The following DLC1 variants were observed in gnomAD, a reference collection of about 807,000 sequenced individuals.
DLC1 encodes the protein DLC1 Rho GTPase activating protein, also known as rho GTPase-activating protein 7.
Under a neutral mutation model 140.3 loss-of-function variants are expected in DLC1, and 54 were observed. The ratio of observed to expected loss-of-function variants is 0.38; its 90% CI spans 0.31 to 0.48. The LOEUF (loss-of-function observed/expected upper bound fraction) is 0.48, where lower values mean the gene tolerates loss of function less well. Ranked by LOEUF, DLC1 falls within the 20% of genes least tolerant of loss-of-function variation. DLC1 has a pLI of 0.96. For missense variants in DLC1, 2,536 were observed against 1,907.0 expected, an observed-to-expected ratio of 1.33 and a Z score of -6.14; for synonymous variants, 986 against 728.1, an observed-to-expected ratio of 1.35 and a Z score of -5.70.
chr8:13,231,658 G>C (rs557234618), intron 5 of DLC1, among the ~76,000 whole-genome samples: 1 of 152,284 alleles, frequency 6.6e-6, no homozygotes, highest in East Asian at 1.9e-4. Flanking sequence ...TTCTGCAGTA[G>C]TTACCTTGTC....
At chr8:13,408,127 A>C (rs1837643311) in intron 2 of DLC1, among the ~76,000 whole-genome samples, 1 of 152,184 alleles carries the variant, frequency 6.6e-6, no homozygotes, top group South Asian at 2.1e-4. Flanking sequence ...TTTCAATTTG[A>C]AACTTATGTA....
intron 1 of DLC1, among the ~76,000 whole-genome samples, chr8:13,512,134 C>G (rs535029629): frequency 1.3e-5 from 2 of 152,004 alleles, no homozygotes; most frequent in Non-Finnish European, 1.5e-5. Context: ...GCACTTATTT[C>G]TCATTCCAAT....
chr8:13,384,463 C>T (rs113795726), intron 4 of DLC1, among the ~76,000 whole-genome samples: 1,982 of 152,204 alleles, frequency 0.013, 63 homozygotes, highest in African/African-American at 0.044. Context: ...GATATATCCA[C>T]GAAATGCTAA....
At position 13,084,895 on chromosome 8, in the gene DLC1, G is replaced by A. The variant is rs903643206; in HGVS notation, c.*916C>T. 6.6e-6 allele frequency: 1 copy of A among 152,174 alleles called. No homozygotes were observed. Among genetic ancestry groups the A allele is most frequent in the African/African-American group, 2.4e-5 (1 of 41,446 alleles). The allele number at this position is 152,174 out of a possible 1,614,324, so 9.4% of individuals were successfully genotyped here. A position where few individuals can be genotyped will look rare whatever the true frequency, so the allele number is the denominator to read the frequency against. On this transcript the variant is annotated 3_prime_UTR_variant, in exon 18 of 18. Coordinates refer to ENST00000276297, the MANE Select transcript of DLC1 (RefSeq NM_182643.3). ...ATTCTAACAGGGAAAAAGTGTTGAT[G>A]CTTGATTTAAGAGTAAGTGTTATCG...
chr8:13,211,013 A>G (rs1393604920), intron 5 of DLC1, among the ~76,000 whole-genome samples: 1 of 152,212 alleles, frequency 6.6e-6, no homozygotes, highest in Non-Finnish European at 1.5e-5. Context: ...GTAGGAGATG[A>G]GCAGGACTTG....
chr8:13,087,211 G>C lies in DLC1; in HGVS notation c.4293-748C>G, dbSNP rs181531401. ...AGCCCAGGAGTTTTGAGACCAGCCT[G>C]GACAATATGGTGACACCATGTCTCT... On this transcript the variant is annotated intron_variant, in intron 16 of 17. Transcript: ENST00000276297. Among the ~76,000 whole-genome samples the C allele has an allele frequency of 4.9e-4, 75 of 152,290 alleles. 1 individual carries two copies. The highest frequency in any genetic ancestry group is 1.8e-3 in the African/African-American group (74 of 41,564).
At chr8:13,492,347 A>T (rs1801290843) in intron 2 of DLC1, among the ~76,000 whole-genome samples, 2 of 152,076 alleles carry the variant, frequency 1.3e-5, no homozygotes, top group Non-Finnish European at 2.9e-5. Flanking sequence ...TGTGATAACC[A>T]CATCATCCTG....
rs186404133 is a variant in DLC1 at position 13,184,178 on chromosome 8, T to A, written c.1349-68521A>T. Among the ~76,000 whole-genome samples the A allele has an allele frequency of 1.6e-3, 245 of 152,360 alleles. 1 individual carries two copies. The highest frequency in any genetic ancestry group is 5.5e-3 in the African/African-American group (230 of 41,588). The stretch of plus-strand genomic sequence containing the variant: ...GTGGTGATATCCCCTTTATCATTTT[T>A]TATTGCATCTATTTGATTCTTCTCT... On this transcript the variant is annotated intron_variant, in intron 5 of 17. Transcript: ENST00000276297.
At chr8:13,247,102 A>G (rs923576612) in intron 5 of DLC1, among the ~76,000 whole-genome samples, 4 of 152,242 alleles carry the variant, frequency 2.6e-5, no homozygotes, top group Admixed American at 6.5e-5. Flanking sequence ...GCTGCTTTTT[A>G]TAAGTATTTA....
chr8:13,578,710 A>T (rs1269018321), intron 1 of DLC1, among the ~76,000 whole-genome samples: 2 of 152,180 alleles, frequency 1.3e-5, no homozygotes, highest in African/African-American at 4.8e-5. Flanking sequence ...AAAGAAACAG[A>T]TGAAGAGATG....
intron 5 of DLC1, among the ~76,000 whole-genome samples, chr8:13,294,348 T>C (rs1831868682): frequency 6.6e-6 from 1 of 152,180 alleles, no homozygotes; most frequent in African/African-American, 2.4e-5. Flanking sequence ...ATTGCTGAGA[T>C]AAATGGAACG....
At chr8:13,353,925 T>A (rs1395963473) in intron 4 of DLC1, among the ~76,000 whole-genome samples, 1 of 151,902 alleles carries the variant, frequency 6.6e-6, no homozygotes, top group Admixed American at 6.6e-5. Context: ...AATGGCATAG[T>A]TCTTGATTTA....
intron 13 of DLC1, among the ~76,000 whole-genome samples, chr8:13,092,116 G>A (rs374003397): frequency 2.0e-5 from 3 of 152,256 alleles, no homozygotes; most frequent in East Asian, 1.9e-4. Context: ...GTGGTGGCAG[G>A]CACCTATAGT....
intron 5 of DLC1, among the ~76,000 whole-genome samples, chr8:13,151,680 C>T (rs529884643): frequency 6.6e-6 from 1 of 152,204 alleles, no homozygotes; most frequent in Non-Finnish European, 1.5e-5. Context: ...AAGTTGACCC[C>T]AGCCTACTCT....
chr8:13,556,952 A>T (rs903419827), intron 1 of DLC1, among the ~76,000 whole-genome samples: 1 of 152,216 alleles, frequency 6.6e-6, no homozygotes, highest in African/African-American at 2.4e-5. Context: ...CTGAAAGTCT[A>T]TCAGTTATGA....
chr8:13,499,473 C>G lies in DLC1; in HGVS notation c.599G>C (p.Ser200Thr). ...TACTTTGGGTGCATCTTTTATTTCA[C>G]TTAAGCTTATTTCATTGCAAAGCTC... ...SLELCNEISL[S>T]EIKDAPKVNA... The change falls in exon 2 of 18, where the codon AGT (serine) becomes ACT (threonine). Residue 200 changes from serine to threonine, a missense_variant. Physicochemically the swap from Ser to Thr is moderately conservative, Grantham distance 58 (BLOSUM62 1). Coordinates refer to ENST00000276297, the MANE Select transcript of DLC1 (RefSeq NM_182643.3). The G allele has an allele frequency of 1.9e-6, 3 of 1,614,138 alleles. No individual in the cohort carries two copies. The highest frequency in any genetic ancestry group is 1.7e-5 in the Admixed American group (1 of 60,000).
intron 4 of DLC1, among the ~76,000 whole-genome samples, chr8:13,313,975 C>T (rs1027708341): frequency 2.6e-5 from 4 of 152,054 alleles, no homozygotes; most frequent in Middle Eastern, 6.8e-3. Flanking sequence ...GAGCAGACTC[C>T]CATTTCTGTA....
intron 2 of DLC1, among the ~76,000 whole-genome samples, chr8:13,421,016 G>A (rs1021237468): frequency 1.7e-4 from 26 of 152,044 alleles, no homozygotes; most frequent in Admixed American, 6.6e-4. Flanking sequence ...GGGTCTCTCC[G>A]GTATGGACTG....
At chr8:13,327,565 C>T (rs189928378) in intron 4 of DLC1, among the ~76,000 whole-genome samples, 4 of 151,922 alleles carry the variant, frequency 2.6e-5, no homozygotes, top group African/African-American at 7.2e-5. Context: ...AGCAATCCTC[C>T]TGTCTCAGGT....
Sources: gnomAD v4.1 joint callset for allele counts (sites outside exome capture counted in the v4.1 genomes callset) on GRCh38, gnomAD v4.1.1 for gene constraint, MANE v1.5 for transcripts, NCBI Gene and HGNC (gene_info 2026-07-23, HGNC 2026-07-21) for gene names.